Variants in SYAP1 observed in about 807,000 individuals in gnomAD.
The protein encoded by SYAP1 is synapse-associated protein 1.
A neutral mutation model predicts 29.6 loss-of-function variants in SYAP1; 3 were observed. The ratio of observed to expected loss-of-function variants is 0.10; its 90% CI spans 0.05 to 0.26. The LOEUF (loss-of-function observed/expected upper bound fraction) is 0.26, where lower values mean the gene tolerates loss of function less well. Among genes scored for constraint, SYAP1 ranks in the 10% least tolerant of loss-of-function variants. The pLI, the probability that SYAP1 is intolerant of heterozygous loss-of-function variation, is 1.00. For missense variants in SYAP1, 217 were observed against 264.1 expected (o/e 0.82, Z 1.24); for synonymous variants, 102 against 102.7 (o/e 0.99, Z 0.04).
chrX:16,756,910 T>G (rs1269708805), intron 7 of SYAP1, among the ~76,000 whole-genome samples, 189 bp downstream of exon 7: 2 of 112,256 alleles, frequency 1.8e-5, no homozygotes, highest in South Asian at 7.3e-4. Context: ...ATTCTAGATG[T>G]GTTCATCAGG....
chrX:16,760,180 C>A, intron 8 of SYAP1, 52 bp from the exon 9 acceptor site: 2 of 1,124,637 alleles, frequency 1.8e-6, no homozygotes, highest in Non-Finnish European at 1.2e-6. Context: ...ATTGTGAACA[C>A]CAGCATTATG....
intron 5 of SYAP1, among the ~76,000 whole-genome samples, chrX:16,750,493 A>G (rs1390400907): frequency 9.0e-6 from 1 of 111,650 alleles, no homozygotes; most frequent in Non-Finnish European, 1.9e-5. Flanking sequence ...AGCACCCAGC[A>G]TAGCGCCTGA....
At chrX:16,746,874 A>C (rs1394113187) in intron 5 of SYAP1, among the ~76,000 whole-genome samples, 2 of 110,772 alleles carry the variant, frequency 1.8e-5, no homozygotes, top group African/African-American at 6.6e-5. Flanking sequence ...AGGCCACCGC[A>C]CCCAGCCTAG....
chrX:16,741,263 A>G (rs779364257), intron 3 of SYAP1, among the ~76,000 whole-genome samples: 22 of 111,403 alleles, frequency 2.0e-4, no homozygotes, highest in African/African-American at 6.9e-4. Flanking sequence ...CAATGGCGGA[A>G]TCACAGCTCA....
At chrX:16,727,715 C>T (rs1380416048) in intron 1 of SYAP1, among the ~76,000 whole-genome samples, 1 of 110,967 alleles carries the variant, frequency 9.0e-6, no homozygotes, top group Non-Finnish European at 1.9e-5. Flanking sequence ...GGGTGAATTC[C>T]TCTCCTCTTG....
chrX:16,741,804 G>A lies in SYAP1; in HGVS notation c.435+15G>A, dbSNP rs778828502. The A allele has an allele frequency of 1.8e-6, 2 of 1,126,436 alleles. No homozygotes were observed. Among genetic ancestry groups the A allele is most frequent in the African/African-American group, 1.8e-5 (1 of 55,924 alleles). 92.8% of individuals were successfully genotyped at this position (1,126,436 alleles called of 1,213,427 possible). ...CCTTATCAGCTGTAAGTATCTTGTGGTACCCCAGATAGAACATACTTTCTT... is the reference window on the plus strand; with the variant it reads ...CCTTATCAGCTGTAAGTATCTTGTGATACCCCAGATAGAACATACTTTCTT... On this transcript the variant is annotated intron_variant, in intron 4 of 8. Transcript: ENST00000380155.
intron 4 of SYAP1, among the ~76,000 whole-genome samples, chrX:16,742,028 C>T (rs1450602447): frequency 9.3e-6 from 1 of 107,652 alleles, no homozygotes; most frequent in African/African-American, 3.4e-5. Context: ...TGTAGTGGTG[C>T]AATTTTGGCT....
chrX:16,743,067 C>T (rs5980328), intron 4 of SYAP1, among the ~76,000 whole-genome samples: 38,140 of 108,559 alleles, frequency 0.35, 5,203 homozygotes, highest in East Asian at 0.55. Context: ...GTGGCTCACA[C>T]CTGTAATCCC....
At chrX:16,724,438 C>T (rs181495053) in intron 1 of SYAP1, among the ~76,000 whole-genome samples, 4 of 111,874 alleles carry the variant, frequency 3.6e-5, no homozygotes, top group South Asian at 7.5e-4. Flanking sequence ...GGAGCCCTCC[C>T]GAAATCTAAG....
intron 5 of SYAP1, among the ~76,000 whole-genome samples, chrX:16,748,312 A>G (rs1926653339): frequency 8.9e-6 from 1 of 112,016 alleles, no homozygotes. Flanking sequence ...TGTTTTGTCG[A>G]AAATTTCCAT....
chrX:16,749,031 AG>A (rs1371568065), intron 5 of SYAP1, among the ~76,000 whole-genome samples: 2 of 110,698 alleles, frequency 1.8e-5, no homozygotes, highest in Non-Finnish European at 3.8e-5. Context: ...CTGGGATTAC[AG>A]GCGTGAACCT....
chrX:16,723,365 C>T (rs1416827835), intron 1 of SYAP1, among the ~76,000 whole-genome samples: 17 of 111,679 alleles, frequency 1.5e-4, no homozygotes, highest in Admixed American at 1.4e-3. Context: ...TTGGGGATCT[C>T]GATTTGAAGA....
intron 2 of SYAP1, 109 bp downstream of exon 2, chrX:16,735,454 T>TACTTAG: frequency 2.0e-6 from 1 of 507,507 alleles, no homozygotes; most frequent in Non-Finnish European, 3.2e-6. Flanking sequence ...TATCATATTC[T>TACTTAG]GATAAAAATG....
At chrX:16,732,106 A>G (rs182176805) in intron 1 of SYAP1, among the ~76,000 whole-genome samples, 2 of 112,589 alleles carry the variant, frequency 1.8e-5, no homozygotes, top group African/African-American at 3.2e-5. Flanking sequence ...CTCCGAAGAC[A>G]TTTCTAATAT....
At chrX:16,750,498 G>T (rs778126306) in intron 5 of SYAP1, among the ~76,000 whole-genome samples, 1 of 111,468 alleles carries the variant, frequency 9.0e-6, no homozygotes, top group African/African-American at 3.3e-5. Context: ...CCAGCATAGC[G>T]CCTGATGCAC....
rs780104301 is a variant in SYAP1 at position 16,751,736 on chromosome X, T to C, written c.576-3209T>C. Among the ~76,000 whole-genome samples, 4 of 103,327 alleles carry C rather than the reference T, an allele frequency of 3.9e-5. No individual in the cohort carries two copies. In the South Asian group the frequency reaches 1.4e-3, roughly 36 times the overall value. The allele number at this position is 103,327 out of a possible 115,157, so 89.7% of individuals were successfully genotyped here. On this transcript the variant is annotated intron_variant, in intron 5 of 8. Transcript: ENST00000380155. ...TATTGTTGCCCAGGCTGGAGTGCAATGGTACAATCTTGGCTCACTGCAACC... is the reference window on the plus strand; with the variant it reads ...TATTGTTGCCCAGGCTGGAGTGCAACGGTACAATCTTGGCTCACTGCAACC...
intron 1 of SYAP1, among the ~76,000 whole-genome samples, chrX:16,725,866 G>T (rs1056204644): frequency 2.7e-5 from 3 of 112,322 alleles, no homozygotes; most frequent in Non-Finnish European, 5.6e-5. Flanking sequence ...TTAAATGACA[G>T]TTCTCCCTTG....
intron 1 of SYAP1, among the ~76,000 whole-genome samples, chrX:16,730,875 C>G (rs1926190203): frequency 8.9e-6 from 1 of 112,210 alleles, no homozygotes; most frequent in African/African-American, 3.2e-5. Flanking sequence ...TTTCACATGT[C>G]TCCAGGCCTT....
chrX:16,760,567 G>C lies in SYAP1; in HGVS notation c.*208G>C. 4.0e-6 allele frequency: 1 copy of C among 249,395 alleles called. No homozygotes were observed. The highest frequency in any genetic ancestry group is 6.9e-6 in the Non-Finnish European group (1 of 145,584). 20.6% of individuals were successfully genotyped at this position (249,395 alleles called of 1,213,427 possible). A position where few individuals can be genotyped will look rare whatever the true frequency, so the allele number is the denominator to read the frequency against. ...AATAATCAGAAAGAGATGTTTTATAGAACATTTCTTTAATATAAAGTTAGA... is the reference window on the plus strand; with the variant it reads ...AATAATCAGAAAGAGATGTTTTATACAACATTTCTTTAATATAAAGTTAGA... On this transcript the variant is annotated 3_prime_UTR_variant, in exon 9 of 9. Coordinates refer to ENST00000380155, the MANE Select transcript of SYAP1 (RefSeq NM_032796.4).
Sources: allele counts gnomAD v4.1 joint callset (sites outside exome capture counted in the v4.1 genomes callset), GRCh38; gene constraint gnomAD v4.1.1; transcripts MANE v1.5; gene names NCBI Gene and HGNC (gene_info 2026-07-23, HGNC 2026-07-21).